Variants in ATP2A3 observed in about 807,000 individuals in gnomAD.
The protein encoded by ATP2A3 is ATPase sarcoplasmic/endoplasmic reticulum Ca2+ transporting 3.
Under a neutral mutation model 106.8 loss-of-function variants are expected in ATP2A3, and 61 were observed. The ratio of observed to expected loss-of-function variants is 0.57; its 90% CI spans 0.46 to 0.71. The LOEUF is 0.71. Among genes scored for constraint, ATP2A3 ranks in the 30% least tolerant of loss-of-function variants. The probability of loss-of-function intolerance (pLI) is 0.00; values close to 1 mark genes in which losing one functional copy is unlikely to be tolerated. For missense variants in ATP2A3, 1,201 were observed against 1,423.5 expected (o/e 0.84, Z 2.52); for synonymous variants, 611 against 609.3 (o/e 1.00, Z -0.04).
intron 1 of ATP2A3, among the ~76,000 whole-genome samples, chr17:3,954,592 G>A (rs1257498332): frequency 6.6e-6 from 1 of 151,216 alleles, no homozygotes; most frequent in African/African-American, 2.4e-5. Flanking sequence ...CACCTCCCGG[G>A]TTCAAGCGAT....
chr17:3,957,099 C>T lies in ATP2A3; in HGVS notation c.119-3389G>A, dbSNP rs181383275. On this transcript the variant is annotated intron_variant, in intron 1 of 20. Transcript: ENST00000397041. ...ATGGGAAGACGCTGGGGACCGAGCA[C>T]GTGAGGTGCTTAGCGGAGGTCATAG... Among the ~76,000 whole-genome samples the T allele has an allele frequency of 7.2e-3, 1,095 of 152,362 alleles. 11 individuals are homozygous for T. Among genetic ancestry groups the T allele is most frequent in the Non-Finnish European group, 0.012 (820 of 68,048 alleles).
At chr17:3,948,120 C>T (rs759828774) in intron 7 of ATP2A3, among the ~76,000 whole-genome samples, 11 of 152,146 alleles carry the variant, frequency 7.2e-5, no homozygotes, top group Non-Finnish European at 1.6e-4. Context: ...AGAGGAGGCA[C>T]GGGGGCTGAT....
chr17:3,928,467 G>T lies in ATP2A3; in HGVS notation c.2980+196C>A. On this transcript the variant is annotated intron_variant, in intron 20 of 20. Coordinates refer to ENST00000397041, the MANE Select transcript of ATP2A3 (RefSeq NM_005173.4). The surrounding 1 kb of genome is among the most constrained non-coding windows in gnomAD (Gnocchi z 6.1). ...CTGGCCCAGTGAGCCCAGGTCCCCT[G>T]CAGTGCAAGACCCTGCGGACACCTT... 1.0e-6 allele frequency: 1 copy of T among 992,618 alleles called. No individual in the cohort carries two copies. The highest frequency in any genetic ancestry group is 1.5e-6 in the Non-Finnish European group (1 of 648,180). The allele number at this position is 992,618 out of a possible 1,614,324, so 61.5% of individuals were successfully genotyped here.
chr17:3,953,269 A>ACCTCGG lies in ATP2A3; in HGVS notation c.219+72_219+77dup, dbSNP rs2054559837. On this transcript the variant is annotated intron_variant, in intron 3 of 20. Transcript: ENST00000397041. This position sits in a 1 kb window ranked among gnomAD's most constrained non-coding sequence, Gnocchi z 5.1. ...GTGGAGGACAGGCCCAGGCTCCAGG[A>ACCTCGG]CCTCGGAGCACTGCCCAGCCTGGCT... The ACCTCGG allele has an allele frequency of 1.3e-6, 2 of 1,484,514 alleles. No individual in the cohort carries two copies. The highest frequency in any genetic ancestry group is 1.9e-6 in the Non-Finnish European group (2 of 1,063,224). 92.0% of individuals were successfully genotyped at this position (1,484,514 alleles called of 1,614,324 possible). A position where few individuals can be genotyped will look rare whatever the true frequency, so the allele number is the denominator to read the frequency against.
chr17:3,941,125 G>T lies in ATP2A3; in HGVS notation c.1946C>A (p.Ala649Glu). The change falls in exon 14 of 21, where the codon GCG becomes GAG. Residue 649 changes from alanine (A) to glutamate (E), a missense_variant. This residue lies in a region of ATP2A3 where 935 missense variants were observed against 1,176.7 expected (regional missense o/e 0.79). Coordinates refer to ENST00000397041, the MANE Select transcript of ATP2A3 (RefSeq NM_005173.4). Reference protein sequence around the residue: ...LGIFGDTEDVAGKAYTGREFD... With the variant: ...LGIFGDTEDVEGKAYTGREFD... ...CTCGCGGCCCGTGTAGGCCTTGCCC[G>T]CCACGTCTTCCGTGTCCCCAAAGAT... The T allele has an allele frequency of 6.2e-7, 1 of 1,614,060 alleles. No individual in the cohort carries two copies. Among genetic ancestry groups the T allele is most frequent in the Non-Finnish European group, 8.5e-7 (1 of 1,179,990 alleles).
chr17:3,952,540 C>G (rs1361513344), intron 3 of ATP2A3, among the ~76,000 whole-genome samples: 1 of 152,222 alleles, frequency 6.6e-6, no homozygotes, highest in East Asian at 1.9e-4. Flanking sequence ...CCGGCAGCAG[C>G]ACTCAGCCAG....
At chr17:3,940,669 C>G (rs1203785656) in intron 14 of ATP2A3, among the ~76,000 whole-genome samples, 1 of 151,980 alleles carries the variant, frequency 6.6e-6, no homozygotes, top group Admixed American at 6.6e-5. Context: ...CACCACGCCC[C>G]GCTAATTTTT....
intron 7 of ATP2A3, among the ~76,000 whole-genome samples, chr17:3,948,131 A>G (rs2054222755): frequency 1.3e-5 from 2 of 152,174 alleles, no homozygotes; most frequent in Admixed American, 6.5e-5. Flanking sequence ...GGGGGCTGAT[A>G]TTGATGATAT....
intron 1 of ATP2A3, among the ~76,000 whole-genome samples, chr17:3,954,375 C>T (rs1397001586): frequency 6.6e-6 from 1 of 151,486 alleles, no homozygotes; most frequent in Non-Finnish European, 1.5e-5. Context: ...CCAGGCCCTG[C>T]ACTCCATCGA....
At position 3,941,654 on chromosome 17, in the gene ATP2A3, C is replaced by A; in HGVS notation, c.1546G>T (p.Gly516Trp). The A allele has an allele frequency of 6.2e-7, 1 of 1,606,098 alleles. No homozygotes were observed. The highest frequency in any genetic ancestry group is 8.5e-7 in the Non-Finnish European group (1 of 1,179,934). Residue 516 changes from glycine (G) to tryptophan (W), a missense_variant and splice_region_variant, in exon 13 of 21, where the codon GGG becomes TGG. This residue lies in a region of ATP2A3 where 935 missense variants were observed against 1,176.7 expected (regional missense o/e 0.79). Coordinates refer to ENST00000397041, the MANE Select transcript of ATP2A3 (RefSeq NM_005173.4). The part of the protein sequence containing the change: ...TGQGSKMFVK[G>W]APESVIERCS... Reference sequence around the variant, plus strand: ...CGCTCGATCACACTCTCAGGAGCCCCCTGCGAGGTGGGGAGAGGGAGAAGA... The same window carrying A: ...CGCTCGATCACACTCTCAGGAGCCCACTGCGAGGTGGGGAGAGGGAGAAGA...
Position 3,964,372 on chromosome 17 carries a change from A to AGTCC in ATP2A3, c.-82_-81insGGAC. 1.2e-6 allele frequency: 1 copy of AGTCC among 802,708 alleles called. No individual in the cohort carries two copies. The highest frequency in any genetic ancestry group is 1.6e-6 in the Non-Finnish European group (1 of 642,606). The allele number at this position is 802,708 out of a possible 1,614,324, so 49.7% of individuals were successfully genotyped here. A position where few individuals can be genotyped will look rare whatever the true frequency, so the allele number is the denominator to read the frequency against. ...GGGGCTACAAAGCGGGGCGCGGGGG[A>AGTCC]CTCGGGCCCGGGCGGGCGCCGCGCG... On this transcript the variant is annotated 5_prime_UTR_variant, in exon 1 of 21. The change abolishes the stop of an existing upstream ORF in the 5' untranslated region. Coordinates refer to ENST00000397041, the MANE Select transcript of ATP2A3 (RefSeq NM_005173.4).
Position 3,926,853 on chromosome 17 carries a change from G to A in ATP2A3, c.2981-1412C>T. On this transcript the variant is annotated intron_variant, in intron 20 of 20. Coordinates refer to ENST00000397041, the MANE Select transcript of ATP2A3 (RefSeq NM_005173.4). This position sits in a 1 kb window ranked among gnomAD's most constrained non-coding sequence, Gnocchi z 4.6. ...CAAAGTGCTGGGATGACAGGTGTGA[G>A]CCACTGCACCCGGCCCGTTAGTCTC... The A allele has an allele frequency of 1.0e-6, 1 of 985,368 alleles. No individual in the cohort carries two copies. Among genetic ancestry groups the A allele is most frequent in the Non-Finnish European group, 1.2e-6 (1 of 829,882 alleles). The allele number at this position is 985,368 out of a possible 1,614,324, so 61.0% of individuals were successfully genotyped here.
intron 17 of ATP2A3, among the ~76,000 whole-genome samples, chr17:3,931,735 A>C (rs969907529): frequency 6.6e-6 from 1 of 151,978 alleles, no homozygotes; most frequent in African/African-American, 2.4e-5. Context: ...GTTAGCCAGG[A>C]TGGTCTAGAA....
chr17:3,943,422 G>C lies in ATP2A3; in HGVS notation c.1388C>G (p.Ser463Cys). 1.2e-6 allele frequency: 2 copies of C among 1,614,068 alleles called. No homozygotes were observed. Among genetic ancestry groups the C allele is most frequent in the Non-Finnish European group, 8.5e-7 (1 of 1,180,006 alleles). The change falls in exon 11 of 21, where the codon TCC becomes TGC. Residue 463 changes from serine to cysteine, a missense_variant. Coordinates refer to ENST00000397041, the MANE Select transcript of ATP2A3 (RefSeq NM_005173.4). The part of the protein sequence containing the change: ...NVFDTDLQAL[S>C]RVERAGACNT... ...ACAGGCGCCAGCTCGCTCCACCCGG[G>C]ACAGAGCCTGCAGGTCGGTGTCGAA...
rs889016876 is a variant in ATP2A3, at chr17:3,955,337, G to A, written c.119-1627C>T. ...GAAGCTTTGGGGTCTGCACCTGGCA[G>A]CTGAACCCTGGGGAGTATCAAGCAG... On this transcript the variant is annotated intron_variant, in intron 1 of 20. Coordinates refer to ENST00000397041, the MANE Select transcript of ATP2A3 (RefSeq NM_005173.4). This position sits in a 1 kb window ranked among gnomAD's most constrained non-coding sequence, Gnocchi z 4.2. 6.6e-6 allele frequency among the ~76,000 whole-genome samples: 1 copy of A among 152,208 alleles called. No homozygotes were observed. The highest frequency in any genetic ancestry group is 1.5e-5 in the Non-Finnish European group (1 of 68,050).
In ATP2A3 at chr17:3,964,383, G is replaced by C; in HGVS notation, c.-92C>G. ...GCGGGGCGCGGGGGACTCGGGCCCG[G>C]GCGGGCGCCGCGCGAGGCCATGTCC... On this transcript the variant is annotated 5_prime_UTR_variant, in exon 1 of 21. Transcript: ENST00000397041. The C allele has an allele frequency of 1.5e-6, 1 of 687,002 alleles. No homozygotes were observed. The highest frequency in any genetic ancestry group is 1.9e-6 in the Non-Finnish European group (1 of 539,690). The allele number at this position is 687,002 out of a possible 1,614,324, so 42.6% of individuals were successfully genotyped here. A position where few individuals can be genotyped will look rare whatever the true frequency, so the allele number is the denominator to read the frequency against.
In ATP2A3 at chr17:3,929,065, G is replaced by A. The variant is rs2052888995; in HGVS notation, c.2862+263C>T. On this transcript the variant is annotated intron_variant, in intron 19 of 20. Coordinates refer to ENST00000397041, the MANE Select transcript of ATP2A3 (RefSeq NM_005173.4). This position sits in a 1 kb window ranked among gnomAD's most constrained non-coding sequence, Gnocchi z 4.3. Reference sequence around the variant, plus strand: ...CCATCCATCCTGTTGGGAGGCGGGAGGATTCTGCCCTGGGAAAGCTCGTCC... The same window carrying A: ...CCATCCATCCTGTTGGGAGGCGGGAAGATTCTGCCCTGGGAAAGCTCGTCC... 6.6e-6 allele frequency among the ~76,000 whole-genome samples: 1 copy of A among 152,128 alleles called. No individual in the cohort carries two copies. The highest frequency in any genetic ancestry group is 1.5e-5 in the Non-Finnish European group (1 of 68,016).
chr17:3,957,654 G>A (rs1402931782), intron 1 of ATP2A3, among the ~76,000 whole-genome samples: 3 of 152,228 alleles, frequency 2.0e-5, no homozygotes, highest in Non-Finnish European at 4.4e-5. Context: ...GGGTGATGGA[G>A]GGAGCCCAGG....
At chr17:3,956,098 T>G (rs1297132782) in intron 1 of ATP2A3, among the ~76,000 whole-genome samples, 2 of 151,998 alleles carry the variant, frequency 1.3e-5, no homozygotes, top group Non-Finnish European at 2.9e-5. Context: ...GCCAGGCTGG[T>G]CTCGAACTCC....
Sources: allele counts gnomAD v4.1 joint callset (sites outside exome capture counted in the v4.1 genomes callset), GRCh38; gene constraint gnomAD v4.1.1; regional missense constraint gnomAD v4.1.1; non-coding constraint Gnocchi (gnomAD v3.1); transcripts MANE v1.5; gene names NCBI Gene and HGNC (gene_info 2026-07-23, HGNC 2026-07-21).